Variants in LMOD3 observed in about 807,000 individuals in gnomAD.
LMOD3 encodes leiomodin 3.
LMOD3 carries 31 observed loss-of-function variants against 41.8 expected under a neutral mutation model. The observed-to-expected ratio is 0.74, with a 90% CI of 0.56 to 1.00. The LOEUF is 1.00. LMOD3 is among the 50% of genes least tolerant of loss of function. The pLI, the probability that LMOD3 is intolerant of heterozygous loss-of-function variation, is 0.00. For missense variants in LMOD3, 755 were observed against 679.5 expected, an observed-to-expected ratio of 1.11 and a Z score of -1.23; for synonymous variants, 292 against 241.9, an observed-to-expected ratio of 1.21 and a Z score of -1.92.
In LMOD3 at chr3:69,121,698, G is replaced by A. The variant is rs184703580; in HGVS notation, c.294+395C>T. Among the ~76,000 whole-genome samples, 345 of 152,284 alleles carry A rather than the reference G, an allele frequency of 2.3e-3. 3 individuals are homozygous for A. Among genetic ancestry groups the A allele is most frequent in the African/African-American group, 7.6e-3 (314 of 41,546 alleles). ...TGCGAAACACTGCGTATGTTTGGATGTGCCAGAGAGACAGAGGCTACAGAG... is the reference window on the plus strand; with the variant it reads ...TGCGAAACACTGCGTATGTTTGGATATGCCAGAGAGACAGAGGCTACAGAG... On this transcript the variant is annotated intron_variant, in intron 1 of 2. Coordinates refer to ENST00000420581, the MANE Select transcript of LMOD3 (RefSeq NM_198271.5).
In LMOD3 at chr3:69,108,813, C is replaced by T. The variant is rs112424917; in HGVS notation, c.*282G>A. ...AAAAAATTTTCTTTAACTTCTGCTT[C>T]GGGAAATATGACTCTAAATTTCACC... On this transcript the variant is annotated 3_prime_UTR_variant, in exon 3 of 3. Transcript: ENST00000420581. 2.4e-4 allele frequency: 82 copies of T among 337,582 alleles called. 2 individuals carry two copies. Among genetic ancestry groups the T allele is most frequent in the Admixed American group, 4.7e-4 (10 of 21,344 alleles). The allele number at this position is 337,582 out of a possible 1,614,324, so 20.9% of individuals were successfully genotyped here.
At chr3:69,112,668 C>T (rs563321673) in intron 2 of LMOD3, among the ~76,000 whole-genome samples, 4 of 152,290 alleles carry the variant, frequency 2.6e-5, no homozygotes, top group African/African-American at 9.6e-5. Context: ...GGGAAGACAG[C>T]AGCAGACATG....
At position 69,108,140 on chromosome 3, in the gene LMOD3, A is replaced by C. The variant is rs915349932; in HGVS notation, c.*955T>G. On this transcript the variant is annotated 3_prime_UTR_variant, in exon 3 of 3. Transcript: ENST00000420581. Reference sequence around the variant, plus strand: ...ATGGAGTGCCTTAAAGAATAGGATAAGTAGTTCAAGTTTAATCCTTCCTGT... The same window carrying C: ...ATGGAGTGCCTTAAAGAATAGGATACGTAGTTCAAGTTTAATCCTTCCTGT... The C allele has an allele frequency of 2.1e-5, 3 of 141,866 alleles. No homozygotes were observed. Among genetic ancestry groups the C allele is most frequent in the African/African-American group, 8.1e-5 (3 of 36,984 alleles). 8.8% of individuals were successfully genotyped at this position (141,866 alleles called of 1,614,324 possible). A position where few individuals can be genotyped will look rare whatever the true frequency, so the allele number is the denominator to read the frequency against.
chr3:69,108,234 T>A lies in LMOD3; in HGVS notation c.*861A>T, dbSNP rs2092331638. 6.8e-6 allele frequency: 1 copy of A among 147,920 alleles called. No individual in the cohort carries two copies. Among genetic ancestry groups the A allele is most frequent in the South Asian group, 2.1e-4 (1 of 4,756 alleles). The allele number at this position is 147,920 out of a possible 1,614,324, so 9.2% of individuals were successfully genotyped here. A position where few individuals can be genotyped will look rare whatever the true frequency, so the allele number is the denominator to read the frequency against. ...ATTAGACTTACAGAGTAAACACATA[T>A]GAGCGTGTGTGTGTGTGTGTGTATT... On this transcript the variant is annotated 3_prime_UTR_variant, in exon 3 of 3. Coordinates refer to ENST00000420581, the MANE Select transcript of LMOD3 (RefSeq NM_198271.5).
intron 2 of LMOD3, among the ~76,000 whole-genome samples, chr3:69,117,742 C>T (rs909172847): frequency 5.9e-5 from 9 of 151,990 alleles, no homozygotes; most frequent in Non-Finnish European, 7.4e-5. Context: ...AATGCAATTT[C>T]GAACAGTCTC....
In LMOD3 at chr3:69,110,485, C is replaced by A. The variant is rs1023581482; in HGVS notation, c.1657-1364G>T. The stretch of plus-strand genomic sequence containing the variant: ...CCTCAGGTGCTCCACCCACCTTGGC[C>A]TCCCAGAGTGCTGGGATTACAGGTG... On this transcript the variant is annotated intron_variant, in intron 2 of 2. Coordinates refer to ENST00000420581, the MANE Select transcript of LMOD3 (RefSeq NM_198271.5). 2.6e-4 allele frequency among the ~76,000 whole-genome samples: 39 copies of A among 151,390 alleles called. 1 individual carries two copies. The highest frequency in any genetic ancestry group is 1.5e-5 in the Non-Finnish European group (1 of 67,860).
rs970639543 is a variant in LMOD3, at chr3:69,118,052, G to T, written c.1656+647C>A. ...TCACCATGTTGGCCAGAATGATCTT[G>T]ATCTCTTGACCTTGTGATCCACCTG... On this transcript the variant is annotated intron_variant, in intron 2 of 2. Transcript: ENST00000420581. 5.9e-5 allele frequency among the ~76,000 whole-genome samples: 9 copies of T among 152,240 alleles called. No homozygotes were observed. The East Asian group carries it at 1.7e-3, about 29-fold the overall frequency.
intron 2 of LMOD3, among the ~76,000 whole-genome samples, chr3:69,112,296 C>T (rs1182429117): frequency 6.6e-6 from 1 of 152,202 alleles, no homozygotes; most frequent in Non-Finnish European, 1.5e-5. Context: ...TTGGTTTCAG[C>T]ACAGGCTATT....
At chr3:69,120,715 C>T (rs2092403571) in intron 1 of LMOD3, among the ~76,000 whole-genome samples, 1 of 151,838 alleles carries the variant, frequency 6.6e-6, no homozygotes, top group Admixed American at 6.6e-5. Flanking sequence ...TGCCATGATA[C>T]TCTGTCTAGG....
At chr3:69,115,590 C>G (rs1173394282) in intron 2 of LMOD3, among the ~76,000 whole-genome samples, 1 of 151,890 alleles carries the variant, frequency 6.6e-6, no homozygotes, top group African/African-American at 2.4e-5. Flanking sequence ...CACAGAGAAC[C>G]CCACAAGGTT....
Position 69,119,984 on chromosome 3 carries a change from T to C in LMOD3, c.371A>G (p.Asn124Ser), listed in dbSNP as rs776963281. The C allele has an allele frequency of 4.4e-6, 7 of 1,603,054 alleles. No homozygotes were observed. The highest frequency in any genetic ancestry group is 2.2e-5 in the East Asian group (1 of 44,682). Reference sequence around the variant, plus strand: ...TCTTTTATTTGCAACTATTTCATTATTGAGCTTTTCTTTTAAATACTGGGC... The same window carrying C: ...TCTTTTATTTGCAACTATTTCATTACTGAGCTTTTCTTTTAAATACTGGGC... ...NMAQYLKEKL[N>S]NEIVANKRES... Residue 124 changes from asparagine (N) to serine (S), a missense_variant, in exon 2 of 3, where the codon AAT (asparagine) becomes AGT (serine). Asn to Ser is a conservative substitution (Grantham distance 46, BLOSUM62 1). Coordinates refer to ENST00000420581, the MANE Select transcript of LMOD3 (RefSeq NM_198271.5).
At position 69,122,206 on chromosome 3, in the gene LMOD3, G is replaced by C; in HGVS notation, c.181C>G (p.Pro61Ala). 5 of 1,613,426 alleles carry C rather than the reference G, an allele frequency of 3.1e-6. No homozygotes were observed. The highest frequency in any genetic ancestry group is 4.2e-6 in the Non-Finnish European group (5 of 1,179,726). ...GMIQKDQTDKPPTGNFNHKSL... is the reference protein window; with the variant it reads ...GMIQKDQTDKAPTGNFNHKSL... ...TTATGATTGAAGTTTCCTGTCGGTG[G>C]CTTGTCAGTTTGATCTTTCTGAATC... The change falls in exon 1 of 3, where the codon CCA becomes GCA. Residue 61 changes from proline to alanine, a missense_variant. Coordinates refer to ENST00000420581, the MANE Select transcript of LMOD3 (RefSeq NM_198271.5).
intron 2 of LMOD3, among the ~76,000 whole-genome samples, chr3:69,118,454 T>G (rs1270606614): frequency 2.0e-5 from 3 of 152,246 alleles, no homozygotes; most frequent in African/African-American, 7.2e-5. Context: ...TAGTAAATGC[T>G]CCCTAAATGT....
intron 2 of LMOD3, among the ~76,000 whole-genome samples, chr3:69,113,540 G>A (rs774265647): frequency 5.3e-5 from 8 of 152,184 alleles, no homozygotes; most frequent in Non-Finnish European, 1.2e-4. Context: ...AATGTGTCAT[G>A]GAGTCTTTTG....
rs752238157 is a variant in LMOD3, at chr3:69,119,887, GTCA to G, written c.465_467del (p.Asp157del). The G allele has an allele frequency of 1.2e-4, 183 of 1,546,408 alleles. 2 individuals carry two copies. Among genetic ancestry groups the G allele is most frequent in the Admixed American group, 1.6e-4 (8 of 51,112 alleles). On this transcript the variant is annotated inframe_deletion, in exon 2 of 3. Transcript: ENST00000420581. ...CTTCACCATCATCTTCTCCTTCGTC[GTCA>G]TCATCATCATCTTCTTCTTCTTCAT...
Position 69,119,294 on chromosome 3 carries a change from T to C in LMOD3, c.1061A>G (p.His354Arg), listed in dbSNP as rs1217215656. 5.0e-6 allele frequency: 8 copies of C among 1,613,880 alleles called. No individual in the cohort carries two copies. Among genetic ancestry groups the C allele is most frequent in the Non-Finnish European group, 6.8e-6 (8 of 1,179,898 alleles). ...RFHNQRHMLG[H>R]HAEMEIARLL... ...CCTGGCTATTTCCATTTCAGCATGGTGACCCAACATGTGCCTCTGATTGTG... is the reference window on the plus strand; with the variant it reads ...CCTGGCTATTTCCATTTCAGCATGGCGACCCAACATGTGCCTCTGATTGTG... Residue 354 changes from histidine to arginine, a missense_variant, in exon 2 of 3, where the codon CAC becomes CGC. Coordinates refer to ENST00000420581, the MANE Select transcript of LMOD3 (RefSeq NM_198271.5).
At position 69,120,045 on chromosome 3, in the gene LMOD3, CTTCTT is replaced by C; in HGVS notation, c.305_309del (p.Gln102ArgfsTer3). On this transcript the variant is annotated frameshift_variant, in exon 2 of 3. Coordinates refer to ENST00000420581, the MANE Select transcript of LMOD3 (RefSeq NM_198271.5). LOFTEE classifies it high-confidence loss of function. ...TTACGTTTTTCTATTTCTTCATGCTCTTCTTGAGTCTTTTCCTACAAGAGAGGTTT... is the reference window on the plus strand; with the variant it reads ...TTACGTTTTTCTATTTCTTCATGCTCGAGTCTTTTCCTACAAGAGAGGTTT... The C allele has an allele frequency of 2.5e-6, 4 of 1,596,816 alleles. No individual in the cohort carries two copies. The highest frequency in any genetic ancestry group is 3.4e-6 in the Non-Finnish European group (4 of 1,174,988).
chr3:69,121,395 G>C (rs937051297), intron 1 of LMOD3, among the ~76,000 whole-genome samples: 1 of 151,966 alleles, frequency 6.6e-6, no homozygotes, highest in Non-Finnish European at 1.5e-5. Context: ...TACCTAGGAG[G>C]CATCTCTGTC....
In LMOD3 at chr3:69,122,485, G is replaced by T; in HGVS notation, c.-99C>A. 4 of 894,604 alleles carry T rather than the reference G, an allele frequency of 4.5e-6. No homozygotes were observed. The highest frequency in any genetic ancestry group is 5.3e-5 in the East Asian group (2 of 37,764). 55.4% of individuals were successfully genotyped at this position (894,604 alleles called of 1,614,324 possible). A position where few individuals can be genotyped will look rare whatever the true frequency, so the allele number is the denominator to read the frequency against. ...CTCAAGAAGGTCCCCCAGTTAACGAGTGTCCCAAGTTAACACACCCTTGAG... is the reference window on the plus strand; with the variant it reads ...CTCAAGAAGGTCCCCCAGTTAACGATTGTCCCAAGTTAACACACCCTTGAG... On this transcript the variant is annotated 5_prime_UTR_variant, in exon 1 of 3. Transcript: ENST00000420581.
Sources: allele counts gnomAD v4.1 joint callset (sites outside exome capture counted in the v4.1 genomes callset), GRCh38; gene constraint gnomAD v4.1.1; transcripts MANE v1.5; gene names NCBI Gene and HGNC (gene_info 2026-07-23, HGNC 2026-07-21).